SETD2: variants seen among roughly 807,000 people sequenced by gnomAD.
SETD2 encodes the protein SET domain containing 2, histone lysine methyltransferase.
Under a neutral mutation model 242.1 loss-of-function variants are expected in SETD2, and 31 were observed. That is an observed-to-expected ratio of 0.13 (90% CI 0.10 to 0.17). The LOEUF (loss-of-function observed/expected upper bound fraction) is 0.17, where lower values mean the gene tolerates loss of function less well. Among genes scored for constraint, SETD2 ranks in the 10% least tolerant of loss-of-function variants. SETD2 has a pLI of 1.00. For missense variants in SETD2, 2,481 were observed against 3,046.3 expected, an observed-to-expected ratio of 0.81 and a Z score of 4.37; for synonymous variants, 1,006 against 1,066.5, an observed-to-expected ratio of 0.94 and a Z score of 1.11.
intron 9 of SETD2, among the ~76,000 whole-genome samples, chr3:47,092,891 G>A (rs1407952719): frequency 6.6e-6 from 1 of 152,068 alleles, no homozygotes; most frequent in East Asian, 1.9e-4. Context: ...GGTTATAACA[G>A]CAACCCTTCC....
intron 16 of SETD2, 96 bp downstream of exon 16, chr3:47,046,391 C>A: frequency 2.5e-6 from 3 of 1,179,988 alleles, no homozygotes; most frequent in South Asian, 2.5e-5. Flanking sequence ...AAAAAAAACC[C>A]AAAAATAAAA....
rs1211480425 is a variant in SETD2, at chr3:47,121,667, A to T, written c.2969T>A (p.Val990Glu). The T allele has an allele frequency of 6.2e-7, 1 of 1,613,784 alleles. No individual in the cohort carries two copies. The highest frequency in any genetic ancestry group is 8.5e-7 in the Non-Finnish European group (1 of 1,179,694). ...SLDERGEGGH[V>E]HTSDDSEVVF... The stretch of plus-strand genomic sequence containing the variant: ...AACTTCTGAGTCATCAGAAGTATGC[A>T]CATGTCCTCCTTCTCCTCTTTCATC... The change falls in exon 3 of 21, where the codon GTG becomes GAG. Residue 990 changes from valine (V) to glutamate (E), a missense_variant. By Grantham distance (121) the Val-to-Glu change is moderately radical (BLOSUM62 -2). Around this residue, in one of 17 missense-constraint regions of SETD2, gnomAD observed 1,300 missense variants for 1,259.2 expected, o/e 1.03. Transcript: ENST00000409792.
intron 16 of SETD2, among the ~76,000 whole-genome samples, chr3:47,042,903 A>G (rs2039348304): frequency 6.6e-6 from 1 of 152,148 alleles, no homozygotes; most frequent in Non-Finnish European, 1.5e-5. Flanking sequence ...AGTTGGCTCT[A>G]AGTTTACCAT....
intron 1 of SETD2, among the ~76,000 whole-genome samples, chr3:47,147,959 T>C (rs2043899261): frequency 6.6e-6 from 1 of 150,442 alleles, no homozygotes; most frequent in South Asian, 2.1e-4. Context: ...TTTCAGCTCC[T>C]ATACTTTCTG....
At chr3:47,132,037 A>C (rs545741081) in intron 1 of SETD2, among the ~76,000 whole-genome samples, 1 of 151,896 alleles carries the variant, frequency 6.6e-6, no homozygotes, top group South Asian at 2.1e-4. Context: ...CAGCCTCCCA[A>C]AGTGCTGGGA....
chr3:47,100,262 G>A (rs940857701), intron 8 of SETD2, among the ~76,000 whole-genome samples: 1 of 147,504 alleles, frequency 6.8e-6, no homozygotes, highest in Non-Finnish European at 1.5e-5. Flanking sequence ...TTTTTTGTTC[G>A]TTTGCTTTTT....
At chr3:47,155,417 G>A (rs942947818) in intron 1 of SETD2, among the ~76,000 whole-genome samples, 8 of 152,280 alleles carry the variant, frequency 5.3e-5, no homozygotes, top group Middle Eastern at 3.4e-3. Context: ...TACAAACGTG[G>A]CAAAATTCCA....
chr3:47,101,987 G>A (rs775929626), intron 7 of SETD2, among the ~76,000 whole-genome samples: 9 of 152,160 alleles, frequency 5.9e-5, no homozygotes, highest in Admixed American at 3.3e-4. Flanking sequence ...TGTAAGATAA[G>A]ATGAGATATA....
chr3:47,142,375 G>A (rs1280684082), intron 1 of SETD2, among the ~76,000 whole-genome samples: 2 of 152,018 alleles, frequency 1.3e-5, no homozygotes, highest in Non-Finnish European at 2.9e-5. Context: ...CAGGTGTGAT[G>A]GTGTGCGCCT....
intron 15 of SETD2, among the ~76,000 whole-genome samples, chr3:47,050,925 G>A (rs2107561573): frequency 6.6e-6 from 1 of 151,294 alleles, no homozygotes; most frequent in Middle Eastern, 3.4e-3. Context: ...TAGAAACAAG[G>A]TTTCACCATG....
At chr3:47,107,780 G>A (rs958198960) in intron 5 of SETD2, among the ~76,000 whole-genome samples, 1 of 151,508 alleles carries the variant, frequency 6.6e-6, no homozygotes, top group Admixed American at 6.6e-5. Flanking sequence ...AGACCAGCCT[G>A]AAAAACACAG....
At position 47,017,575 on chromosome 3, in the gene SETD2, C is replaced by CT. The variant is rs898483545; in HGVS notation, c.7533+62dup. On this transcript the variant is annotated intron_variant, in intron 20 of 20. Transcript: ENST00000409792. This position sits in a 1 kb window ranked among gnomAD's most constrained non-coding sequence, Gnocchi z 4.8. ...ATACTTTCTATGATGAAAAGGGCTT[C>CT]TTAGAAGGTACACAGTTTGCCCAGA... 2.5e-6 allele frequency: 3 copies of CT among 1,184,922 alleles called. No individual in the cohort carries two copies. The African/African-American group carries it at 4.5e-5, about 18-fold the overall frequency. 73.4% of individuals were successfully genotyped at this position (1,184,922 alleles called of 1,614,324 possible).
chr3:47,057,055 C>G lies in SETD2; in HGVS notation c.6729G>C (p.Gln2243His). Reference sequence around the variant, plus strand: ...AGTCTTGGTGTACTACACCATCACTCTGGGCCACATACTGGGAACTGGAAA... The same window carrying G: ...AGTCTTGGTGTACTACACCATCACTGTGGGCCACATACTGGGAACTGGAAA... Reference protein sequence around the residue: ...VEVSSSQYVAQSDGVVHQDSS... With the variant: ...VEVSSSQYVAHSDGVVHQDSS... Residue 2243 changes from glutamine to histidine, a missense_variant, in exon 15 of 21, where the codon CAG becomes CAC. Around this residue, in one of 17 missense-constraint regions of SETD2, gnomAD observed 235 missense variants for 293.9 expected, o/e 0.80. Transcript: ENST00000409792. 1 of 1,614,262 alleles carries G rather than the reference C, an allele frequency of 6.2e-7. No homozygotes were observed. The highest frequency in any genetic ancestry group is 8.5e-7 in the Non-Finnish European group (1 of 1,180,054).
chr3:47,058,885 C>G (rs146257535), intron 14 of SETD2, among the ~76,000 whole-genome samples: 29,133 of 151,520 alleles, frequency 0.19, 2,896 homozygotes, highest in Middle Eastern at 0.24. Context: ...AGCTCCACCC[C>G]CCGGGTTCAT....
At chr3:47,141,407 CA>C (rs1014720643) in intron 1 of SETD2, among the ~76,000 whole-genome samples, 12 of 152,092 alleles carry the variant, frequency 7.9e-5, no homozygotes, top group African/African-American at 2.9e-4. Flanking sequence ...AATGAGAATA[CA>C]AAAACAGCTC....
At chr3:47,129,171 G>A (rs776356596) in intron 1 of SETD2, among the ~76,000 whole-genome samples, 2 of 151,918 alleles carry the variant, frequency 1.3e-5, no homozygotes, top group African/African-American at 2.4e-5. Context: ...GACAGGAGGG[G>A]GAAGTGTTTA....
At chr3:47,107,233 A>G (rs2042462608) in intron 5 of SETD2, among the ~76,000 whole-genome samples, 1 of 152,182 alleles carries the variant, frequency 6.6e-6, no homozygotes, top group Non-Finnish European at 1.5e-5. Flanking sequence ...CCCTCAAAAT[A>G]AACATACCCT....
Position 47,083,945 on chromosome 3 carries a change from T to G in SETD2, c.5835A>C (p.Glu1945Asp), listed in dbSNP as rs1275828128. The change falls in exon 12 of 21, where the codon GAA becomes GAC. Residue 1945 changes from glutamate to aspartate, a missense_variant. Coordinates refer to ENST00000409792, the MANE Select transcript of SETD2 (RefSeq NM_014159.7). ...GTTCAGATGTAGGTAGCTTACTAGC[T>G]TCTATGTTGGTTTCACTATCAACTT... Reference protein sequence around the residue: ...ECKVDSETNIEASKLPTSEPE... With the variant: ...ECKVDSETNIDASKLPTSEPE... 1.9e-6 allele frequency: 3 copies of G among 1,614,042 alleles called. No individual in the cohort carries two copies. In the African/African-American group the frequency reaches 4.0e-5, roughly 22 times the overall value.
At chr3:47,160,454 C>G (rs1333510004) in intron 1 of SETD2, among the ~76,000 whole-genome samples, 1 of 150,018 alleles carries the variant, frequency 6.7e-6, no homozygotes, top group Non-Finnish European at 1.5e-5. Context: ...GCGCCTGCCA[C>G]CACACCAGAC....
Sources: gnomAD v4.1 joint callset for allele counts (sites outside exome capture counted in the v4.1 genomes callset) on GRCh38, gnomAD v4.1.1 for gene constraint, gnomAD v4.1.1 regional missense constraint, Gnocchi (gnomAD v3.1) non-coding constraint, MANE v1.5 for transcripts, NCBI Gene and HGNC (gene_info 2026-07-23, HGNC 2026-07-21) for gene names.